Variants in CPA6 observed in about 807,000 individuals in gnomAD.
The protein encoded by CPA6 is carboxypeptidase B.
CPA6 carries 58 observed loss-of-function variants against 63.3 expected under a neutral mutation model. That is an observed-to-expected ratio of 0.92 (90% CI 0.74 to 1.14). The LOEUF is 1.14. Ranked by LOEUF, CPA6 falls within the 50% of genes most tolerant of loss-of-function variation. CPA6 has a pLI of 0.00. For synonymous variants in CPA6, 185 were observed against 179.0 expected (o/e 1.03, Z -0.27); for missense variants, 565 against 526.6 (o/e 1.07, Z -0.71).
At chr8:67,459,506 G>T (rs928220049) in intron 8 of CPA6, among the ~76,000 whole-genome samples, 1 of 152,210 alleles carries the variant, frequency 6.6e-6, no homozygotes, top group Non-Finnish European at 1.5e-5. Flanking sequence ...AGTGAAAGAA[G>T]CCAATCCAAA....
intron 2 of CPA6, among the ~76,000 whole-genome samples, chr8:67,590,466 C>T (rs1443533376): frequency 6.6e-6 from 1 of 151,624 alleles, no homozygotes; most frequent in Non-Finnish European, 1.5e-5. Flanking sequence ...AATCGCCACA[C>T]TGACTTCCAC....
intron 2 of CPA6, among the ~76,000 whole-genome samples, chr8:67,550,542 C>G (rs1812917676): frequency 6.6e-6 from 1 of 152,180 alleles, no homozygotes; most frequent in East Asian, 1.9e-4. Flanking sequence ...AATTTGTTTT[C>G]TTTTGAATAT....
At chr8:67,464,026 C>T (rs1810872181) in intron 8 of CPA6, among the ~76,000 whole-genome samples, 1 of 152,154 alleles carries the variant, frequency 6.6e-6, no homozygotes, top group African/African-American at 2.4e-5. Context: ...TCTTTTGGCT[C>T]TATATCCAAT....
intron 1 of CPA6, among the ~76,000 whole-genome samples, chr8:67,637,875 G>A (rs1815505337): frequency 6.6e-6 from 1 of 151,454 alleles, no homozygotes; most frequent in East Asian, 1.9e-4. Flanking sequence ...TTTGAAATTA[G>A]AGCATATGTA....
intron 1 of CPA6, among the ~76,000 whole-genome samples, chr8:67,686,203 CAG>C (rs1816706001): frequency 6.6e-6 from 1 of 152,210 alleles, no homozygotes. Flanking sequence ...TTGGTGCCAG[CAG>C]AGGATTACAT....
chr8:67,683,275 A>C (rs1816636712), intron 1 of CPA6, among the ~76,000 whole-genome samples: 1 of 152,268 alleles, frequency 6.6e-6, no homozygotes. Flanking sequence ...GGTCAGAAGC[A>C]GAAGTTGCCA....
At chr8:67,455,560 A>G (rs1312389193) in intron 8 of CPA6, among the ~76,000 whole-genome samples, 1 of 150,082 alleles carries the variant, frequency 6.7e-6, no homozygotes, top group Non-Finnish European at 1.5e-5. Flanking sequence ...TGTAGCATAG[A>G]AAAAAAAAGG....
chr8:67,664,290 G>A (rs572083240), intron 1 of CPA6, among the ~76,000 whole-genome samples: 1 of 152,180 alleles, frequency 6.6e-6, no homozygotes, highest in East Asian at 1.9e-4. Context: ...TGTAGGAGCT[G>A]GATCAAGAGT....
intron 1 of CPA6, among the ~76,000 whole-genome samples, chr8:67,693,293 C>T (rs778893390): frequency 8.5e-5 from 13 of 152,124 alleles, no homozygotes; most frequent in South Asian, 4.1e-4. Flanking sequence ...GAAAGGCAAA[C>T]GAGCTTAATT....
chr8:67,547,292 C>T (rs913885728), intron 2 of CPA6, among the ~76,000 whole-genome samples: 9 of 152,144 alleles, frequency 5.9e-5, no homozygotes, highest in Admixed American at 3.3e-4. Context: ...GTGATCCGCC[C>T]GCCTCGGCCT....
chr8:67,689,123 C>T (rs979242523), intron 1 of CPA6, among the ~76,000 whole-genome samples: 17 of 151,944 alleles, frequency 1.1e-4, no homozygotes, highest in Non-Finnish European at 1.3e-4. Context: ...TGTAGCATTT[C>T]GTAATTCAGT....
chr8:67,578,124 C>T (rs1317291370), intron 2 of CPA6, among the ~76,000 whole-genome samples: 3 of 152,108 alleles, frequency 2.0e-5, no homozygotes, highest in African/African-American at 4.8e-5. Flanking sequence ...TGTACAAAAA[C>T]AGGTGGCATG....
intron 2 of CPA6, among the ~76,000 whole-genome samples, chr8:67,592,835 G>T (rs918973388): frequency 6.6e-6 from 1 of 152,062 alleles, no homozygotes; most frequent in African/African-American, 2.4e-5. Context: ...CAAAAAACCA[G>T]CTCCTGGATT....
intron 1 of CPA6, among the ~76,000 whole-genome samples, chr8:67,729,134 T>G (rs1311969783): frequency 6.6e-6 from 1 of 152,188 alleles, no homozygotes; most frequent in Non-Finnish European, 1.5e-5. Context: ...GGAAGCCCAT[T>G]AGAAATGCAG....
intron 8 of CPA6, among the ~76,000 whole-genome samples, chr8:67,472,550 C>T (rs1002990424): frequency 5.3e-5 from 8 of 151,906 alleles, no homozygotes; most frequent in African/African-American, 1.9e-4. Context: ...CTCAGCCTTC[C>T]GAGTAGCTGG....
chr8:67,716,700 T>C (rs1817389414), intron 1 of CPA6, among the ~76,000 whole-genome samples: 1 of 152,224 alleles, frequency 6.6e-6, no homozygotes, highest in Admixed American at 6.5e-5. Context: ...TAAATCTTTG[T>C]AGCTATCTTA....
At chr8:67,594,068 G>A (rs1436859947) in intron 2 of CPA6, among the ~76,000 whole-genome samples, 2 of 151,360 alleles carry the variant, frequency 1.3e-5, no homozygotes, top group African/African-American at 2.4e-5. Context: ...AGCTCTTGTA[G>A]GGCAGGCCTG....
rs143561502 is a variant in CPA6 at position 67,673,684 on chromosome 8, G to A, written c.117-49433C>T. On this transcript the variant is annotated intron_variant, in intron 1 of 10. Transcript: ENST00000297770. ...TGGGATTACAGGTGTGAGCCACTGC[G>A]CCTGGCCTTGTTTTATTATTTTTAT... Among the ~76,000 whole-genome samples, 1,106 of 151,840 alleles carry A rather than the reference G, an allele frequency of 7.3e-3. 14 individuals carry two copies. Among genetic ancestry groups the A allele is most frequent in the African/African-American group, 0.025 (1,039 of 41,356 alleles).
rs571774167 is a variant in CPA6, at chr8:67,489,516, A to T, written c.637-4727T>A. Reference sequence around the variant, plus strand: ...AAATATGTGTTAATCATTTTTTTTTAAAATAAATGATTTCTGACACTGTAT... The same window carrying T: ...AAATATGTGTTAATCATTTTTTTTTTAAATAAATGATTTCTGACACTGTAT... On this transcript the variant is annotated intron_variant, in intron 6 of 10. Transcript: ENST00000297770. Among the ~76,000 whole-genome samples the T allele has an allele frequency of 4.6e-4, 70 of 151,956 alleles. 1 individual carries two copies. In the East Asian group the frequency reaches 6.6e-3, roughly 14 times the overall value.
Sources: allele counts gnomAD v4.1 joint callset (sites outside exome capture counted in the v4.1 genomes callset), GRCh38; gene constraint gnomAD v4.1.1; transcripts MANE v1.5; gene names NCBI Gene and HGNC (gene_info 2026-07-23, HGNC 2026-07-21).